The following PRUNE1 variants were observed in gnomAD, a reference collection of about 807,000 sequenced individuals.
PRUNE1 encodes exopolyphosphatase PRUNE1.
In PRUNE1, 25 loss-of-function variants were observed where a neutral mutation model predicts 42.5. That is an observed-to-expected ratio of 0.59 (90% CI 0.43 to 0.82). PRUNE1 has a LOEUF of 0.82. PRUNE1 is among the 40% of genes least tolerant of loss of function. The pLI is 0.00. For synonymous variants in PRUNE1, 203 were observed against 217.1 expected, an observed-to-expected ratio of 0.93 and a Z score of 0.57; for missense variants, 443 against 539.3, an observed-to-expected ratio of 0.82 and a Z score of 1.77.
At chr1:151,017,762 G>A (rs1351871414) in intron 1 of PRUNE1, 50 bp from the exon 2 acceptor site, 2 of 1,194,404 alleles carry the variant, frequency 1.7e-6, no homozygotes, top group Admixed American at 2.2e-5. Context: ...AAGATAAGTG[G>A]AAATGAATAG....
In PRUNE1 at chr1:151,011,909, G is replaced by A. The variant is rs1673794382; in HGVS notation, c.39+3238G>A. ...TTTTCCTGCCTCAGCCTCCCGAGTA[G>A]CTGGGACTACAGGCATGTGCCACCA... On this transcript the variant is annotated intron_variant, in intron 1 of 7. Transcript: ENST00000271620. 2.0e-5 allele frequency among the ~76,000 whole-genome samples: 3 copies of A among 151,960 alleles called. No individual in the cohort carries two copies. The South Asian group carries it at 6.2e-4, about 32-fold the overall frequency.
chr1:151,025,045 T>C (rs1278722946), intron 4 of PRUNE1, among the ~76,000 whole-genome samples: 2 of 152,166 alleles, frequency 1.3e-5, no homozygotes, highest in Admixed American at 6.5e-5. Flanking sequence ...CATTTTATGA[T>C]GGAAGGAGGA....
At chr1:151,019,854 G>T (rs1215226525) in intron 3 of PRUNE1, among the ~76,000 whole-genome samples, 1 of 149,038 alleles carries the variant, frequency 6.7e-6, no homozygotes, top group Non-Finnish European at 1.5e-5. Flanking sequence ...TTGAGATGGA[G>T]TCTTGCTCTG....
chr1:151,011,836 T>C (rs1436397411), intron 1 of PRUNE1, among the ~76,000 whole-genome samples: 2 of 151,984 alleles, frequency 1.3e-5, no homozygotes, highest in Non-Finnish European at 2.9e-5. Context: ...TGGAGTACAG[T>C]TGCATGATCT....
At chr1:151,033,736 C>T in intron 7 of PRUNE1, 70 bp from the exon 8 acceptor site, 3 of 1,448,498 alleles carry the variant, frequency 2.1e-6, no homozygotes, top group Non-Finnish European at 2.8e-6. Flanking sequence ...GAGGAAGCCT[C>T]TCACTTAGAA....
chr1:151,023,297 G>T (rs879805482), intron 3 of PRUNE1, among the ~76,000 whole-genome samples: 27 of 152,166 alleles, frequency 1.8e-4, no homozygotes, highest in Admixed American at 5.9e-4. Context: ...TAGTCCAGAC[G>T]AGAGATATTG....
chr1:151,032,869 G>A (rs749248825), intron 7 of PRUNE1, among the ~76,000 whole-genome samples: 4 of 151,936 alleles, frequency 2.6e-5, no homozygotes, highest in African/African-American at 7.2e-5. Context: ...CGCCTCCCAG[G>A]TTCAAATGAT....
chr1:151,024,564 TC>T (rs1674699372), intron 3 of PRUNE1, 46 bp from the exon 4 acceptor site: 1 of 1,531,874 alleles, frequency 6.5e-7, no homozygotes, highest in Non-Finnish European at 9.0e-7. Context: ...AGCTGGAGTG[TC>T]CGTACCTATC....
rs2102951881 is a variant in PRUNE1 at position 151,034,932 on chromosome 1, C to T, written c.*698C>T. 1 of 152,438 alleles carries T rather than the reference C, an allele frequency of 6.6e-6. No homozygotes were observed. The highest frequency in any genetic ancestry group is 3.4e-3 in the Middle Eastern group (1 of 294). The allele number at this position is 152,438 out of a possible 1,614,324, so 9.4% of individuals were successfully genotyped here. A position where few individuals can be genotyped will look rare whatever the true frequency, so the allele number is the denominator to read the frequency against. ...CCCTCTGTCCCAGAGCCACCCAGAA[C>T]CCTGACTCTTGAGAATCAAGAAAAC... On this transcript the variant is annotated 3_prime_UTR_variant, in exon 8 of 8. Transcript: ENST00000271620.
At chr1:151,033,744 G>A in intron 7 of PRUNE1, 62 bp from the exon 8 acceptor site, 1 of 1,488,966 alleles carries the variant, frequency 6.7e-7, no homozygotes, top group African/African-American at 1.4e-5. Flanking sequence ...CTCTCACTTA[G>A]AAGCCCAGCA....
intron 7 of PRUNE1, among the ~76,000 whole-genome samples, chr1:151,029,365 G>GTTT (rs34073279): frequency 6.2e-4 from 53 of 85,812 alleles, no homozygotes; most frequent in African/African-American, 1.7e-3. Context: ...AAGCTGGAAA[G>GTTT]TTTTTTTTTT....
At chr1:151,026,042 A>G (rs1674818122) in intron 5 of PRUNE1, among the ~76,000 whole-genome samples, 2 of 151,184 alleles carry the variant, frequency 1.3e-5, no homozygotes, top group South Asian at 4.2e-4. Context: ...CGCCTGGCCA[A>G]TTATTTAAAT....
intron 3 of PRUNE1, among the ~76,000 whole-genome samples, chr1:151,021,146 CAAAAA>C (rs1162451001): frequency 1.2e-5 from 1 of 80,616 alleles, no homozygotes. Context: ...TGCTCTGTCT[CAAAAA>C]AAAAAAAAAA....
chr1:151,031,527 T>C (rs4970991), intron 7 of PRUNE1, among the ~76,000 whole-genome samples: 102,923 of 151,870 alleles, frequency 0.68, 37,154 homozygotes, highest in East Asian at 0.88. Context: ...ATCTCCTCTC[T>C]TTCTCCTATG....
At chr1:151,020,763 T>C (rs954904523) in intron 3 of PRUNE1, among the ~76,000 whole-genome samples, 3 of 148,742 alleles carry the variant, frequency 2.0e-5, no homozygotes, top group South Asian at 2.1e-4. Flanking sequence ...GGGCGGATCA[T>C]GAGGTCAGGA....
At chr1:151,027,686 A>G (rs1674943060) in intron 6 of PRUNE1, among the ~76,000 whole-genome samples, 1 of 148,872 alleles carries the variant, frequency 6.7e-6, no homozygotes, top group Non-Finnish European at 1.5e-5. Context: ...GGCTCAAGCA[A>G]TCCTCCCACC....
intron 3 of PRUNE1, 71 bp downstream of exon 3, chr1:151,018,740 G>C (rs775560859): frequency 1.4e-6 from 2 of 1,415,528 alleles, no homozygotes; most frequent in African/African-American, 1.4e-5. Flanking sequence ...GATATAAAGA[G>C]AGGAAGAAAG....
chr1:151,029,772 C>T (rs2102940024), intron 7 of PRUNE1, among the ~76,000 whole-genome samples: 1 of 152,058 alleles, frequency 6.6e-6, no homozygotes, highest in South Asian at 2.1e-4. Context: ...ATTAATTCCT[C>T]ACCCCTGGAA....
chr1:151,034,128 G>T lies in PRUNE1; in HGVS notation c.1256G>T (p.Cys419Phe), dbSNP rs1287219304. 1 of 1,614,064 alleles carries T rather than the reference G, an allele frequency of 6.2e-7. No homozygotes were observed. The highest frequency in any genetic ancestry group is 8.5e-7 in the Non-Finnish European group (1 of 1,180,052). ...CCCATGAACAGCTTGGTGGATGAGT[G>T]CCCTCTAGATCAGGGGCTGCCTAAA... Reference protein sequence around the residue: ...PTPMNSLVDECPLDQGLPKLS... With the variant: ...PTPMNSLVDEFPLDQGLPKLS... Residue 419 changes from cysteine (C) to phenylalanine (F), a missense_variant, in exon 8 of 8, where the codon TGC becomes TTC. Physicochemically the swap from Cys to Phe is radical, Grantham distance 205. Transcript: ENST00000271620.
Sources: gnomAD v4.1 joint callset for allele counts (sites outside exome capture counted in the v4.1 genomes callset) on GRCh38, gnomAD v4.1.1 for gene constraint, MANE v1.5 for transcripts, NCBI Gene and HGNC (gene_info 2026-07-23, HGNC 2026-07-21) for gene names.